Variants in ROBO1 observed in about 807,000 individuals in gnomAD.
The protein encoded by ROBO1 is roundabout homolog 1.
In ROBO1, 149 loss-of-function variants were observed where a neutral mutation model predicts 195.9. That is an observed-to-expected ratio of 0.76 (90% CI 0.67 to 0.87). ROBO1 has a LOEUF of 0.87. Ranked by LOEUF, ROBO1 falls within the 40% of genes least tolerant of loss-of-function variation. The pLI, the probability that ROBO1 is intolerant of heterozygous loss-of-function variation, is 0.00. For synonymous variants in ROBO1, 816 were observed against 733.2 expected (o/e 1.11, Z -1.82); for missense variants, 1,933 against 2,068.3 (o/e 0.93, Z 1.27).
intron 5 of ROBO1, among the ~76,000 whole-genome samples, chr3:78,720,955 G>T (rs547943870): frequency 2.0e-5 from 3 of 150,892 alleles, no homozygotes; most frequent in Admixed American, 6.6e-5. Flanking sequence ...GGGGTTGGGG[G>T]GGGGGCGGTG....
intron 5 of ROBO1, among the ~76,000 whole-genome samples, chr3:78,742,798 T>C (rs559751770): frequency 6.6e-6 from 1 of 152,320 alleles, no homozygotes; most frequent in Non-Finnish European, 1.5e-5. Context: ...AACTTTAAAC[T>C]GTTTGATTCC....
At chr3:79,125,574 C>CACAGTAGTA (rs1443872110) in intron 2 of ROBO1, 35 bp from the exon 3 acceptor site, 15 of 1,536,876 alleles carry the variant, frequency 9.8e-6, no homozygotes, top group Non-Finnish European at 1.3e-5. Flanking sequence ...CTGATGGGGT[C>CACAGTAGTA]ACAGTAGTAA....
At chr3:78,749,658 T>C (rs1388348242) in intron 4 of ROBO1, among the ~76,000 whole-genome samples, 1 of 152,180 alleles carries the variant, frequency 6.6e-6, no homozygotes, top group Non-Finnish European at 1.5e-5. Flanking sequence ...TATGAAACTT[T>C]TAGTTAAACT....
intron 2 of ROBO1, among the ~76,000 whole-genome samples, chr3:79,555,371 A>G (rs910153974): frequency 6.6e-6 from 1 of 152,112 alleles, no homozygotes; most frequent in Non-Finnish European, 1.5e-5. Flanking sequence ...AACTACAAGA[A>G]GCATATGATT....
At chr3:79,306,078 G>A (rs1022973648) in intron 2 of ROBO1, among the ~76,000 whole-genome samples, 1 of 152,114 alleles carries the variant, frequency 6.6e-6, no homozygotes, top group Non-Finnish European at 1.5e-5. Flanking sequence ...AGAGGAATAA[G>A]CAAGCTGATA....
At chr3:79,649,618 G>T (rs1025350384) in intron 1 of ROBO1, among the ~76,000 whole-genome samples, 3 of 152,024 alleles carry the variant, frequency 2.0e-5, no homozygotes, top group African/African-American at 7.2e-5. Flanking sequence ...GAATTAATGT[G>T]ATATCTAATT....
At chr3:78,766,966 AC>A (rs2083244700) in intron 4 of ROBO1, among the ~76,000 whole-genome samples, 1 of 152,166 alleles carries the variant, frequency 6.6e-6, no homozygotes, top group Non-Finnish European at 1.5e-5. Context: ...CTGGTATGAA[AC>A]CCACTTGATC....
intron 3 of ROBO1, among the ~76,000 whole-genome samples, chr3:79,062,151 C>T (rs546548619): frequency 1.1e-4 from 16 of 151,506 alleles, no homozygotes; most frequent in East Asian, 1.9e-4. Flanking sequence ...AATAAATTAA[C>T]GAGAAAAAAA....
At chr3:79,440,817 T>G (rs530742653) in intron 2 of ROBO1, among the ~76,000 whole-genome samples, 2 of 152,154 alleles carry the variant, frequency 1.3e-5, no homozygotes, top group Admixed American at 1.3e-4. Flanking sequence ...ATAAAGTCCT[T>G]AAAGTAATGA....
intron 8 of ROBO1, among the ~76,000 whole-genome samples, chr3:78,710,858 G>A (rs755618802): frequency 4.6e-5 from 7 of 152,176 alleles, no homozygotes; most frequent in Non-Finnish European, 1.0e-4. Context: ...CCTGAGGTTT[G>A]TGAAGTTGCT....
chr3:79,149,792 T>C (rs1219184734), intron 2 of ROBO1, among the ~76,000 whole-genome samples: 2 of 151,924 alleles, frequency 1.3e-5, no homozygotes, highest in East Asian at 3.9e-4. Flanking sequence ...AAGTTAGGCA[T>C]GTCCATCGCC....
chr3:78,995,077 C>A (rs1014336840), intron 3 of ROBO1, among the ~76,000 whole-genome samples: 1 of 152,104 alleles, frequency 6.6e-6, no homozygotes, highest in Non-Finnish European at 1.5e-5. Flanking sequence ...CTGTAGTGCA[C>A]CTTATACTTT....
At chr3:79,457,963 T>C (rs1473342451) in intron 2 of ROBO1, among the ~76,000 whole-genome samples, 5 of 152,048 alleles carry the variant, frequency 3.3e-5, no homozygotes, top group African/African-American at 1.2e-4. Flanking sequence ...GGGGAGTAAT[T>C]ACAAAATTTT....
rs142619652 is a variant in ROBO1, at chr3:78,881,983, G to A, written c.499+56618C>T. Reference sequence around the variant, plus strand: ...GTAATAAGTAACACATGGATTTGAGGGTAAATTTTATGTCATTAGATGTGA... The same window carrying A: ...GTAATAAGTAACACATGGATTTGAGAGTAAATTTTATGTCATTAGATGTGA... On this transcript the variant is annotated intron_variant, in intron 4 of 30. Coordinates refer to ENST00000464233, the MANE Select transcript of ROBO1 (RefSeq NM_002941.4). Among the ~76,000 whole-genome samples, 845 of 152,042 alleles carry A rather than the reference G, an allele frequency of 5.6e-3. 5 individuals are homozygous for A. The highest frequency in any genetic ancestry group is 0.041 in the Middle Eastern group (12 of 292).
chr3:78,991,151 T>C (rs949172502), intron 3 of ROBO1, among the ~76,000 whole-genome samples: 3 of 152,172 alleles, frequency 2.0e-5, no homozygotes, highest in Admixed American at 1.3e-4. Flanking sequence ...ATGCCTCCTC[T>C]ATTTCTGAAA....
At chr3:79,678,163 G>A (rs1355721409) in intron 1 of ROBO1, among the ~76,000 whole-genome samples, 1 of 152,022 alleles carries the variant, frequency 6.6e-6, no homozygotes, top group East Asian at 1.9e-4. Context: ...GGTCATTAAA[G>A]AATGGATGGG....
At chr3:78,851,239 A>G (rs956371678) in intron 4 of ROBO1, among the ~76,000 whole-genome samples, 3 of 152,190 alleles carry the variant, frequency 2.0e-5, no homozygotes, top group East Asian at 1.9e-4. Flanking sequence ...CTGTCTCTGG[A>G]AAGTCCTTTT....
intron 2 of ROBO1, among the ~76,000 whole-genome samples, chr3:79,508,167 T>C (rs767390537): frequency 1.3e-5 from 2 of 152,110 alleles, no homozygotes; most frequent in Non-Finnish European, 2.9e-5. Context: ...GACGAGTTGA[T>C]GGGTACAGCA....
At chr3:78,802,758 T>A (rs892280675) in intron 4 of ROBO1, among the ~76,000 whole-genome samples, 1 of 151,758 alleles carries the variant, frequency 6.6e-6, no homozygotes, top group Admixed American at 6.6e-5. Context: ...ATCAATAACA[T>A]TATCAACAAT....
Sources: allele counts gnomAD v4.1 joint callset (sites outside exome capture counted in the v4.1 genomes callset), GRCh38; gene constraint gnomAD v4.1.1; transcripts MANE v1.5; gene names NCBI Gene and HGNC (gene_info 2026-07-23, HGNC 2026-07-21).